Variants in ARAP1 observed in about 807,000 individuals in gnomAD.
The protein encoded by ARAP1 is ArfGAP with RhoGAP domain, ankyrin repeat and PH domain 1.
In ARAP1, 76 loss-of-function variants were observed where a neutral mutation model predicts 172.2. That is an observed-to-expected ratio of 0.44 (90% CI 0.37 to 0.53). The LOEUF is 0.53. ARAP1 is among the 20% of genes least tolerant of loss of function. ARAP1 has a pLI of 0.00. For synonymous variants in ARAP1, 804 were observed against 803.3 expected (o/e 1.00, Z -0.01); for missense variants, 1,686 against 1,977.5 (o/e 0.85, Z 2.80).
chr11:72,698,590 C>T (rs1398809231), intron 18 of ARAP1, among the ~76,000 whole-genome samples: 2 of 152,160 alleles, frequency 1.3e-5, no homozygotes, highest in Non-Finnish European at 2.9e-5. Flanking sequence ...GCACAGGGGA[C>T]CCCACAGGCA....
At position 72,699,300 on chromosome 11, in the gene ARAP1, C is replaced by G; in HGVS notation, c.2438+117G>C. The stretch of plus-strand genomic sequence containing the variant: ...ACTGGAGTCGGCCCTTGTGCAGCCT[C>G]CGTTTGCTGTGTGACTCTGCGGAGG... On this transcript the variant is annotated intron_variant, in intron 17 of 34. Coordinates refer to ENST00000393609, the MANE Select transcript of ARAP1 (RefSeq NM_001040118.3). The surrounding 1 kb of genome is among the most constrained non-coding windows in gnomAD (Gnocchi z 4.2). The G allele has an allele frequency of 6.6e-7, 1 of 1,510,260 alleles. No homozygotes were observed. The highest frequency in any genetic ancestry group is 9.0e-7 in the Non-Finnish European group (1 of 1,115,726). The allele number at this position is 1,510,260 out of a possible 1,614,324, so 93.6% of individuals were successfully genotyped here.
At chr11:72,715,075 G>A (rs2135550169) in intron 3 of ARAP1, among the ~76,000 whole-genome samples, 1 of 152,346 alleles carries the variant, frequency 6.6e-6, no homozygotes, top group Middle Eastern at 3.4e-3. Context: ...AAGGGCTGTG[G>A]CATCAAGGAC....
chr11:72,708,292 A>G (rs1856854849), intron 11 of ARAP1: 1 of 152,230 alleles, frequency 6.6e-6, no homozygotes, highest in Admixed American at 6.5e-5. Flanking sequence ...CAAAACTGCC[A>G]AAGGTGGAGC....
intron 1 of ARAP1, among the ~76,000 whole-genome samples, chr11:72,742,074 C>T (rs979525919): frequency 2.6e-5 from 4 of 152,022 alleles, no homozygotes; most frequent in African/African-American, 7.3e-5. Context: ...TGGGTGGGGC[C>T]GGGACTAGGG....
Position 72,711,106 on chromosome 11 carries a change from G to A in ARAP1, c.1128C>T (p.Cys376=). 12 of 1,614,264 alleles carry A rather than the reference G, an allele frequency of 7.4e-6. No homozygotes were observed. The highest frequency in any genetic ancestry group is 1.0e-5 in the Non-Finnish European group (12 of 1,180,054). ...CCCCGATGGCAGCCACGTGGGAGATGCAGGCCACAGAGATAAAGCGCTTAG... is the reference window on the plus strand; with the variant it reads ...CCCCGATGGCAGCCACGTGGGAGATACAGGCCACAGAGATAAAGCGCTTAG... The part of the protein sequence containing the change: ...AYSKRFISVA[C]ISHVAAIGDQ... The change falls in exon 9 of 35, where the codon TGC becomes TGT. Residue 376 remains cysteine, a synonymous_variant. Transcript: ENST00000393609.
chr11:72,705,733 G>T, intron 13 of ARAP1, 72 bp downstream of exon 13: 1 of 1,499,698 alleles, frequency 6.7e-7, no homozygotes, highest in African/African-American at 1.4e-5. Context: ...GATAGGGAGG[G>T]GGCTGGGAGA....
chr11:72,705,963 C>A, intron 12 of ARAP1, 73 bp from the exon 13 acceptor site: 1 of 1,473,220 alleles, frequency 6.8e-7, no homozygotes, highest in Non-Finnish European at 9.4e-7. Context: ...CCCCCAGTGT[C>A]TACTGGGACA....
intron 16 of ARAP1, among the ~76,000 whole-genome samples, chr11:72,701,104 C>T (rs1261514743): frequency 6.6e-6 from 1 of 152,146 alleles, no homozygotes; most frequent in Admixed American, 6.5e-5. Context: ...AAGTGAGGGA[C>T]TGGCCATGCA....
rs1417706947 is a variant in ARAP1 at position 72,696,708 on chromosome 11, AC to A, written c.3167-55del. The stretch of plus-strand genomic sequence containing the variant: ...AACCCCCTGTAACTATCTTCCCCCC[AC>A]CCCGCCTGGGCTGCTGTGCCTCTCA... On this transcript the variant is annotated intron_variant, in intron 22 of 34. Coordinates refer to ENST00000393609, the MANE Select transcript of ARAP1 (RefSeq NM_001040118.3). The A allele has an allele frequency of 2.1e-6, 3 of 1,453,212 alleles. No individual in the cohort carries two copies. The African/African-American group carries it at 4.2e-5, about 20-fold the overall frequency. 90.0% of individuals were successfully genotyped at this position (1,453,212 alleles called of 1,614,324 possible). A position where few individuals can be genotyped will look rare whatever the true frequency, so the allele number is the denominator to read the frequency against.
intron 15 of ARAP1, 132 bp from the exon 16 acceptor site, chr11:72,701,915 A>C: frequency 5.0e-6 from 6 of 1,190,658 alleles, no homozygotes; most frequent in African/African-American, 1.5e-5. Context: ...TGGCAGCCTC[A>C]AGCTCCCCCT....
At chr11:72,721,501 G>A (rs1219236889) in intron 3 of ARAP1, among the ~76,000 whole-genome samples, 8 of 152,220 alleles carry the variant, frequency 5.3e-5, no homozygotes, top group Non-Finnish European at 1.2e-4. Flanking sequence ...GCCCCCAAGG[G>A]GCAAGAACCC....
intron 19 of ARAP1, 112 bp from the exon 20 acceptor site, chr11:72,697,761 G>A: frequency 1.3e-6 from 2 of 1,537,258 alleles, no homozygotes; most frequent in South Asian, 1.2e-5. Context: ...AATGTATGGG[G>A]TGGCTGAGAT....
intron 2 of ARAP1, among the ~76,000 whole-genome samples, chr11:72,730,867 AGTT>A (rs565361456): frequency 2.0e-4 from 31 of 152,354 alleles, no homozygotes; most frequent in African/African-American, 7.5e-4. Flanking sequence ...ATGGGAGAAT[AGTT>A]AACTAAATTA....
chr11:72,735,459 GGT>G (rs1857992135), intron 1 of ARAP1, among the ~76,000 whole-genome samples: 1 of 152,100 alleles, frequency 6.6e-6, no homozygotes, highest in Admixed American at 6.5e-5. Flanking sequence ...AGCTGGGCAT[GGT>G]GGTGGGTGCC....
At chr11:72,717,149 C>T (rs988280976) in intron 3 of ARAP1, among the ~76,000 whole-genome samples, 3 of 152,092 alleles carry the variant, frequency 2.0e-5, no homozygotes, top group African/African-American at 7.2e-5. Context: ...GCCTGAAGGC[C>T]CAAGAGCATG....
intron 1 of ARAP1, among the ~76,000 whole-genome samples, chr11:72,744,546 C>T (rs1357858604): frequency 6.6e-6 from 1 of 152,198 alleles, no homozygotes; most frequent in African/African-American, 2.4e-5. Context: ...TTCCACATTT[C>T]TAGAAATGAA....
Position 72,710,622 on chromosome 11 carries a change from T to C in ARAP1, c.1214-35A>G. 2 of 1,567,668 alleles carry C rather than the reference T, an allele frequency of 1.3e-6. No individual in the cohort carries two copies. Among genetic ancestry groups the C allele is most frequent in the Non-Finnish European group, 1.7e-6 (2 of 1,158,138 alleles). On this transcript the variant is annotated intron_variant, in intron 9 of 34. Transcript: ENST00000393609. This position sits in a 1 kb window ranked among gnomAD's most constrained non-coding sequence, Gnocchi z 4.3. ...AAGGGTAGAGGAGTAAGCCCAAGGT[T>C]GCAGGGAGCCCCTCAGGGGTCTCCT... is the stretch of plus-strand genomic sequence containing the variant.
chr11:72,719,488 C>T (rs1424843839), intron 3 of ARAP1, among the ~76,000 whole-genome samples: 1 of 152,198 alleles, frequency 6.6e-6, no homozygotes, highest in Non-Finnish European at 1.5e-5. Flanking sequence ...CCCTTCCTCT[C>T]CGAGCCTCAG....
At chr11:72,747,606 G>A (rs546348815) in intron 1 of ARAP1, among the ~76,000 whole-genome samples, 2 of 152,352 alleles carry the variant, frequency 1.3e-5, no homozygotes, top group East Asian at 3.9e-4. Flanking sequence ...TCCAGGGCCT[G>A]CTCTTGCTTT....
Sources: allele counts gnomAD v4.1 joint callset (sites outside exome capture counted in the v4.1 genomes callset), GRCh38; gene constraint gnomAD v4.1.1; non-coding constraint Gnocchi (gnomAD v3.1); transcripts MANE v1.5; gene names NCBI Gene and HGNC (gene_info 2026-07-23, HGNC 2026-07-21).